The following TMEM132D variants were observed in gnomAD, a reference collection of about 807,000 sequenced individuals.
TMEM132D encodes mature OL transmembrane protein.
Under a neutral mutation model 62.3 loss-of-function variants are expected in TMEM132D, and 21 were observed. The observed-to-expected ratio is 0.34, with a 90% CI of 0.24 to 0.49. The LOEUF (loss-of-function observed/expected upper bound fraction) is 0.49. Among genes scored for constraint, TMEM132D ranks in the 20% least tolerant of loss-of-function variants. The pLI, the probability that TMEM132D is intolerant of heterozygous loss-of-function variation, is 0.99. For missense variants in TMEM132D, 1,346 were observed against 1,402.8 expected (o/e 0.96, Z 0.65); for synonymous variants, 621 against 575.6 (o/e 1.08, Z -1.13).
At chr12:129,197,064 T>C (rs770473732) in intron 5 of TMEM132D, among the ~76,000 whole-genome samples, 14 of 152,190 alleles carry the variant, frequency 9.2e-5, no homozygotes, top group Non-Finnish European at 1.5e-4. Flanking sequence ...ATTTTCAGCA[T>C]TGCAGGCCAT....
chr12:129,097,212 C>G (rs1156231725), intron 5 of TMEM132D, among the ~76,000 whole-genome samples: 1 of 152,224 alleles, frequency 6.6e-6, no homozygotes, highest in Non-Finnish European at 1.5e-5. Flanking sequence ...CAGTAGCATC[C>G]CTCTCTCCAG....
At chr12:129,526,214 CAT>C (rs1245921438) in intron 3 of TMEM132D, among the ~76,000 whole-genome samples, 2 of 152,156 alleles carry the variant, frequency 1.3e-5, no homozygotes, top group Non-Finnish European at 2.9e-5. Context: ...GGAAATCCCA[CAT>C]GTGTATTCTT....
Position 129,866,239 on chromosome 12 carries a change from T to C in TMEM132D, c.79+37022A>G, listed in dbSNP as rs538843029. On this transcript the variant is annotated intron_variant, in intron 1 of 8. Coordinates refer to ENST00000422113, the MANE Select transcript of TMEM132D (RefSeq NM_133448.3). Reference sequence around the variant, plus strand: ...AAGATGAGAAATGAGTGTTAGCATATACACCATGGAATACTATGCAGCCAT... The same window carrying C: ...AAGATGAGAAATGAGTGTTAGCATACACACCATGGAATACTATGCAGCCAT... Among the ~76,000 whole-genome samples, 65 of 152,178 alleles carry C rather than the reference T, an allele frequency of 4.3e-4. No individual in the cohort carries two copies. In the South Asian group the frequency reaches 0.013, roughly 30 times the overall value.
At chr12:129,868,077 A>G (rs763743561) in intron 1 of TMEM132D, among the ~76,000 whole-genome samples, 1 of 152,048 alleles carries the variant, frequency 6.6e-6, no homozygotes, top group African/African-American at 2.4e-5. Context: ...TACACACATG[A>G]GGCAGCATTT....
At position 129,903,279 on chromosome 12, in the gene TMEM132D, CCAGGCTG is replaced by C; in HGVS notation, c.54_60del (p.Ile18MetfsTer8). 6.4e-7 allele frequency: 1 copy of C among 1,553,912 alleles called. No homozygotes were observed. Among genetic ancestry groups the C allele is most frequent in the Non-Finnish European group, 8.7e-7 (1 of 1,148,320 alleles). On this transcript the variant is annotated frameshift_variant, in exon 1 of 9. Transcript: ENST00000422113. LOFTEE classifies it high-confidence loss of function. This position sits in a 1 kb window ranked among gnomAD's most constrained non-coding sequence, Gnocchi z 6.2. ...TCCTCACCTTTGGAAAACAGGGCGG[CCAGGCTG>C]ATGAGTACCGGCGACCAGTGGTGCC...
intron 5 of TMEM132D, among the ~76,000 whole-genome samples, chr12:129,142,981 T>G (rs376496082): frequency 9.2e-5 from 14 of 152,104 alleles, no homozygotes; most frequent in Admixed American, 2.0e-4. Flanking sequence ...TCCTCTGCTC[T>G]AATCAAAACA....
At chr12:129,681,727 T>A (rs1455722547) in intron 2 of TMEM132D, 1 of 152,212 alleles carries the variant, frequency 6.6e-6, no homozygotes, top group Non-Finnish European at 1.5e-5. Flanking sequence ...AGAACCCACA[T>A]CTCAACAGTT....
chr12:129,704,196 C>T (rs1222064145), intron 1 of TMEM132D, among the ~76,000 whole-genome samples: 1 of 152,056 alleles, frequency 6.6e-6, no homozygotes. Flanking sequence ...GTTTTATTTC[C>T]CAAATCTGGC....
chr12:129,110,929 T>C (rs1003384026), intron 5 of TMEM132D: 13 of 152,354 alleles, frequency 8.5e-5, no homozygotes, highest in African/African-American at 2.4e-4. Context: ...GGAGGGCCTG[T>C]GTGCCCAGCT....
chr12:129,310,859 C>T (rs7313672), intron 4 of TMEM132D, among the ~76,000 whole-genome samples: 25,005 of 152,048 alleles, frequency 0.16, 2,744 homozygotes, highest in Non-Finnish European at 0.23. Context: ...ATCGTTGTCC[C>T]GAACAGACAG....
intron 2 of TMEM132D, among the ~76,000 whole-genome samples, chr12:129,581,212 T>A (rs1256497900): frequency 6.6e-6 from 1 of 152,188 alleles, no homozygotes; most frequent in Non-Finnish European, 1.5e-5. Context: ...AGCTCTCCTT[T>A]TCCTTCGGCC....
chr12:129,247,050 T>C (rs1240910182), intron 4 of TMEM132D, among the ~76,000 whole-genome samples: 5 of 152,242 alleles, frequency 3.3e-5, no homozygotes, highest in Non-Finnish European at 7.3e-5. Flanking sequence ...GTTATGTTTC[T>C]TCCTCCTTAA....
intron 4 of TMEM132D, among the ~76,000 whole-genome samples, chr12:129,273,223 A>ACAAAC (rs1216375990): frequency 1.3e-5 from 2 of 151,638 alleles, no homozygotes; most frequent in African/African-American, 4.9e-5. Context: ...AAACAAACAA[A>ACAAAC]AAACAAGCAA....
intron 2 of TMEM132D, among the ~76,000 whole-genome samples, chr12:129,656,350 C>T (rs1880076083): frequency 6.6e-6 from 1 of 152,034 alleles, no homozygotes; most frequent in African/African-American, 2.4e-5. Context: ...GGCTTGAGGT[C>T]CCCCTGGCCC....
rs939321203 is a variant in TMEM132D at position 129,196,185 on chromosome 12, A to G, written c.1443+13335T>C. ...GCCCTGGTTGTTGTTGTTTGTAAAT[A>G]TCAGAGCGAGGATTTAAATCCATGC... On this transcript the variant is annotated intron_variant, in intron 5 of 8. Transcript: ENST00000422113. Among the ~76,000 whole-genome samples, 6 of 152,292 alleles carry G rather than the reference A, an allele frequency of 3.9e-5. No homozygotes were observed. In the East Asian group the frequency reaches 1.2e-3, roughly 29 times the overall value.
At chr12:129,837,019 GGAATTA>G (rs2137339863) in intron 1 of TMEM132D, among the ~76,000 whole-genome samples, 1 of 152,270 alleles carries the variant, frequency 6.6e-6, no homozygotes, top group East Asian at 1.9e-4. Context: ...ACAGGAGAAA[GGAATTA>G]GGTTCAAAGA....
chr12:129,759,426 T>C (rs1365998629), intron 1 of TMEM132D, among the ~76,000 whole-genome samples: 1 of 152,206 alleles, frequency 6.6e-6, no homozygotes, highest in Non-Finnish European at 1.5e-5. Context: ...GAACTAGCAG[T>C]TGAGAACGGA....
intron 3 of TMEM132D, among the ~76,000 whole-genome samples, chr12:129,486,677 G>A (rs1276432185): frequency 3.3e-5 from 5 of 152,164 alleles, no homozygotes; most frequent in East Asian, 1.9e-4. Context: ...ATGTGGACAC[G>A]ACCCCAGCAC....
At chr12:129,216,899 C>A (rs1320756291) in intron 4 of TMEM132D, among the ~76,000 whole-genome samples, 1 of 152,188 alleles carries the variant, frequency 6.6e-6, no homozygotes, top group Non-Finnish European at 1.5e-5. Flanking sequence ...TGAAAGGGGA[C>A]CGCCTCATGA....
Sources: gnomAD v4.1 joint callset for allele counts (sites outside exome capture counted in the v4.1 genomes callset) on GRCh38, gnomAD v4.1.1 for gene constraint, Gnocchi (gnomAD v3.1) non-coding constraint, MANE v1.5 for transcripts, NCBI Gene and HGNC (gene_info 2026-07-23, HGNC 2026-07-21) for gene names.